Variants in UNC79 observed in about 807,000 individuals in gnomAD.
The protein encoded by UNC79 is protein unc-79 homolog.
A neutral mutation model predicts 283.1 loss-of-function variants in UNC79; 37 were observed. That is an observed-to-expected ratio of 0.13 (90% CI 0.10 to 0.17). The LOEUF (loss-of-function observed/expected upper bound fraction) is 0.17. UNC79 is among the 10% of genes least tolerant of loss of function. The pLI, the probability that UNC79 is intolerant of heterozygous loss-of-function variation, is 1.00. For missense variants in UNC79, 2,272 were observed against 3,211.1 expected, an observed-to-expected ratio of 0.71 and a Z score of 7.07; for synonymous variants, 1,107 against 1,200.2, an observed-to-expected ratio of 0.92 and a Z score of 1.61.
At chr14:93,492,317 G>C (rs547292577) in intron 5 of UNC79, among the ~76,000 whole-genome samples, 2 of 150,956 alleles carry the variant, frequency 1.3e-5, no homozygotes, top group Non-Finnish European at 3.0e-5. Context: ...AAGATTTTGC[G>C]TCACTTGGGC....
At position 93,658,697 on chromosome 14, in the gene UNC79, A is replaced by T. The variant is rs550657960; in HGVS notation, c.6457-496A>T. On this transcript the variant is annotated intron_variant, in intron 38 of 48. Coordinates refer to ENST00000555664, the Ensembl canonical transcript of UNC79. The stretch of plus-strand genomic sequence containing the variant: ...TTGCTTCATAGCAGAGAAAGGGCAG[A>T]TGAAACTGGTTCTTATGTGGATTCA... Among the ~76,000 whole-genome samples, 12 of 152,328 alleles carry T rather than the reference A, an allele frequency of 7.9e-5. No individual in the cohort carries two copies. The South Asian group carries it at 8.3e-4, about 11-fold the overall frequency.
intron 4 of UNC79, among the ~76,000 whole-genome samples, chr14:93,480,831 T>C (rs1405308746): frequency 6.6e-6 from 1 of 152,210 alleles, no homozygotes; most frequent in Non-Finnish European, 1.5e-5. Flanking sequence ...AGAATATTTT[T>C]ATTTCAGGAC....
At chr14:93,496,887 A>G (rs2059037590) in intron 6 of UNC79, among the ~76,000 whole-genome samples, 1 of 152,324 alleles carries the variant, frequency 6.6e-6, no homozygotes, top group East Asian at 1.9e-4. Context: ...TTTAGCATCA[A>G]TCTGATTAGA....
intron 8 of UNC79, among the ~76,000 whole-genome samples, chr14:93,528,116 C>T (rs1470815895): frequency 6.6e-6 from 1 of 152,182 alleles, no homozygotes; most frequent in Admixed American, 6.5e-5. Context: ...AAGCAAAGTT[C>T]TCTACCACTA....
chr14:93,468,852 C>T (rs1370771810), intron 2 of UNC79, among the ~76,000 whole-genome samples: 3 of 152,134 alleles, frequency 2.0e-5, no homozygotes, highest in Non-Finnish European at 4.4e-5. Context: ...CATACTTGCA[C>T]GGTAAGGTTA....
chr14:93,495,237 C>T (rs1216975452), intron 5 of UNC79, among the ~76,000 whole-genome samples: 1 of 152,198 alleles, frequency 6.6e-6, no homozygotes, highest in Non-Finnish European at 1.5e-5. Context: ...TTAATTGACT[C>T]CCAGTTCCGC....
rs144598412 is a variant in UNC79 at position 93,692,589 on chromosome 14, C to G, written c.7470+643C>G. 2.1e-4 allele frequency among the ~76,000 whole-genome samples: 32 copies of G among 152,288 alleles called. No homozygotes were observed. The East Asian group carries it at 3.9e-3, about 18-fold the overall frequency. ...AGACTGACTACAGGTGTTCATTCCACTCAGGCCTCAAAGCCTGAAAAGAGC... is the reference window on the plus strand; with the variant it reads ...AGACTGACTACAGGTGTTCATTCCAGTCAGGCCTCAAAGCCTGAAAAGAGC... On this transcript the variant is annotated intron_variant, in intron 46 of 48. Transcript: ENST00000555664.
intron 1 of UNC79, among the ~76,000 whole-genome samples, chr14:93,335,886 A>G (rs1053435617): frequency 1.3e-5 from 2 of 152,226 alleles, no homozygotes; most frequent in East Asian, 1.9e-4. Context: ...TTAGTTGGAA[A>G]TGGGTAAAAA....
intron 1 of UNC79, among the ~76,000 whole-genome samples, chr14:93,416,707 G>A (rs1291919791): frequency 3.9e-5 from 6 of 152,208 alleles, no homozygotes; most frequent in South Asian, 2.1e-4. Context: ...GGGTGCTCCC[G>A]TATTGGGTGC....
chr14:93,536,184 A>C (rs1000917322), intron 11 of UNC79, among the ~76,000 whole-genome samples: 1 of 152,264 alleles, frequency 6.6e-6, no homozygotes, highest in Non-Finnish European at 1.5e-5. Flanking sequence ...AAGTGAGGAA[A>C]TGAGAGGAAG....
rs968697731 is a variant in UNC79, at chr14:93,621,574, G to A, written c.4388-47G>A. The A allele has an allele frequency of 1.4e-5, 21 of 1,492,736 alleles. No individual in the cohort carries two copies. The highest frequency in any genetic ancestry group is 1.7e-5 in the Non-Finnish European group (19 of 1,123,186). The allele number at this position is 1,492,736 out of a possible 1,614,324, so 92.5% of individuals were successfully genotyped here. On this transcript the variant is annotated intron_variant, in intron 29 of 48. Coordinates refer to ENST00000555664, the Ensembl canonical transcript of UNC79. The surrounding 1 kb of genome is among the most constrained non-coding windows in gnomAD (Gnocchi z 4.8). ...TGCCCAAGGATGAGGGGAAAAAATG[G>A]TGAAATCTCCAAGTAAAATAGTACT...
At chr14:93,389,304 A>G (rs2140003777) in intron 1 of UNC79, among the ~76,000 whole-genome samples, 1 of 152,328 alleles carries the variant, frequency 6.6e-6, no homozygotes, top group Non-Finnish European at 1.5e-5. Flanking sequence ...ACAGAGCTAC[A>G]GGGTTATGGT....
intron 40 of UNC79, among the ~76,000 whole-genome samples, chr14:93,672,600 A>G (rs1334607605): frequency 6.6e-6 from 1 of 152,194 alleles, no homozygotes; most frequent in East Asian, 1.9e-4. Context: ...GTTCAATAGC[A>G]GAGTAAGGTG....
At position 93,580,175 on chromosome 14, in the gene UNC79, G is replaced by T. The variant is rs368534613; in HGVS notation, c.2460G>T (p.Thr820=). ...TGGAGTTACAAGATGATGGAATCAC[G>T]ATGGGTTTAGAGCACAGCTTATCAA... is the stretch of plus-strand genomic sequence containing the variant. The change falls in exon 19 of 49, where the codon ACG becomes ACT. Residue 820 remains threonine, a synonymous_variant. Coordinates refer to ENST00000555664, the Ensembl canonical transcript of UNC79. The T allele has an allele frequency of 9.5e-5, 154 of 1,613,578 alleles. No individual in the cohort carries two copies. The Middle Eastern group carries it at 1.3e-3, about 14-fold the overall frequency.
chr14:93,486,657 G>GA (rs1184362382), intron 4 of UNC79, among the ~76,000 whole-genome samples: 1 of 138,988 alleles, frequency 7.2e-6, no homozygotes, highest in African/African-American at 2.7e-5. Flanking sequence ...TCTGTCTAAG[G>GA]AAAAAAAAAA....
chr14:93,340,009 C>A (rs987311211), intron 1 of UNC79, among the ~76,000 whole-genome samples: 1 of 152,096 alleles, frequency 6.6e-6, no homozygotes, highest in Non-Finnish European at 1.5e-5. Flanking sequence ...GAATAAGCAT[C>A]AAAAAATGTT....
Position 93,688,894 on chromosome 14 carries a change from G to A in UNC79, c.7085+54G>A, listed in dbSNP as rs2074461464. ...GGTAAAGAAGGCAGGAGACACCCCT[G>A]AGTTTCCTCGGGCTCAGCTAGAGTT... is the stretch of plus-strand genomic sequence containing the variant. On this transcript the variant is annotated intron_variant, in intron 44 of 48. Coordinates refer to ENST00000555664, the Ensembl canonical transcript of UNC79. This position sits in a 1 kb window ranked among gnomAD's most constrained non-coding sequence, Gnocchi z 4.0. 1 of 1,574,784 alleles carries A rather than the reference G, an allele frequency of 6.4e-7. No homozygotes were observed. Among genetic ancestry groups the A allele is most frequent in the Non-Finnish European group, 8.6e-7 (1 of 1,157,946 alleles).
intron 47 of UNC79, among the ~76,000 whole-genome samples, chr14:93,699,014 A>C (rs1241022454): frequency 6.6e-6 from 1 of 152,186 alleles, no homozygotes; most frequent in Non-Finnish European, 1.5e-5. Context: ...CTTTTGACTA[A>C]TGATAGGATG....
chr14:93,581,255 G>A (rs1469059494), intron 19 of UNC79, among the ~76,000 whole-genome samples: 1 of 151,506 alleles, frequency 6.6e-6, no homozygotes, highest in Non-Finnish European at 1.5e-5. Flanking sequence ...ATGAATAGCT[G>A]CAGCCTTGAA....
Sources: allele counts gnomAD v4.1 joint callset (sites outside exome capture counted in the v4.1 genomes callset), GRCh38; gene constraint gnomAD v4.1.1; non-coding constraint Gnocchi (gnomAD v3.1); transcripts MANE v1.5; gene names NCBI Gene and HGNC (gene_info 2026-07-23, HGNC 2026-07-21).